ITGAV: variants seen among roughly 807,000 people sequenced by gnomAD.
The protein encoded by ITGAV is integrin alpha-V.
Under a neutral mutation model 143.8 loss-of-function variants are expected in ITGAV, and 76 were observed. That is an observed-to-expected ratio of 0.53 (90% CI 0.44 to 0.64). The LOEUF (loss-of-function observed/expected upper bound fraction) is 0.64. Ranked by LOEUF, ITGAV falls within the 30% of genes least tolerant of loss-of-function variation. ITGAV has a pLI of 0.00. For missense variants in ITGAV, 1,193 were observed against 1,274.7 expected, an observed-to-expected ratio of 0.94 and a Z score of 0.98; for synonymous variants, 453 against 446.7, an observed-to-expected ratio of 1.01 and a Z score of -0.18.
At chr2:186,666,862 A>T in intron 22 of ITGAV, 79 bp downstream of exon 22, 20 of 672,492 alleles carry the variant, frequency 3.0e-5, no homozygotes, top group Non-Finnish European at 4.7e-5. Context: ...ATATACTTTA[A>T]ATATAAAGTA....
chr2:186,654,691 T>A lies in ITGAV; in HGVS notation c.1547T>A (p.Val516Glu). The change falls in exon 16 of 30, where the codon GTA becomes GAA. Residue 516 changes from valine (V) to glutamate (E), a missense_variant. Transcript: ENST00000261023. Reference sequence around the variant, plus strand: ...TGCTTAAAGGCAGATGGCAAAGGAGTACTTCCCAGGAAACTTAGTAAGTGT... The same window carrying A: ...TGCTTAAAGGCAGATGGCAAAGGAGAACTTCCCAGGAAACTTAGTAAGTGT... Reference protein sequence around the residue: ...RFCLKADGKGVLPRKLNFQVE... With the variant: ...RFCLKADGKGELPRKLNFQVE... 2 of 1,546,212 alleles carry A rather than the reference T, an allele frequency of 1.3e-6. No individual in the cohort carries two copies. Among genetic ancestry groups the A allele is most frequent in the Non-Finnish European group, 1.8e-6 (2 of 1,122,260 alleles).
At position 186,605,753 on chromosome 2, in the gene ITGAV, T is replaced by TATTTATATGTATAATAC. The variant is rs1316578091; in HGVS notation, c.316+3604_316+3605insTTATATGTATAATACAT. On this transcript the variant is annotated intron_variant, in intron 2 of 29. Coordinates refer to ENST00000261023, the MANE Select transcript of ITGAV (RefSeq NM_002210.5). Reference sequence around the variant, plus strand: ...GGTTGTAGATGTGTATATATATATATATATATTTATATGTATAATACATAT... The same window carrying TATTTATATGTATAATAC: ...GGTTGTAGATGTGTATATATATATATATTTATATGTATAATACATATATTTATATGTATAATACATAT... Among the ~76,000 whole-genome samples the TATTTATATGTATAATAC allele has an allele frequency of 2.5e-4, 37 of 145,962 alleles. 15 individuals carry two copies. Among genetic ancestry groups the TATTTATATGTATAATAC allele is most frequent in the South Asian group, 8.5e-4 (4 of 4,692 alleles).
At chr2:186,650,794 C>G (rs1688404258) in intron 14 of ITGAV, among the ~76,000 whole-genome samples, 1 of 152,144 alleles carries the variant, frequency 6.6e-6, no homozygotes, top group African/African-American at 2.4e-5. Flanking sequence ...AAGTGATCCA[C>G]CAGCCTCAGC....
At chr2:186,666,130 A>G (rs1168912987) in intron 21 of ITGAV, among the ~76,000 whole-genome samples, 3 of 152,124 alleles carry the variant, frequency 2.0e-5, no homozygotes, top group African/African-American at 7.2e-5. Flanking sequence ...TTTATATGTC[A>G]TTTGTGTGAT....
intron 1 of ITGAV, among the ~76,000 whole-genome samples, chr2:186,600,961 A>G (rs1419070255): frequency 6.8e-6 from 1 of 146,098 alleles, no homozygotes; most frequent in Non-Finnish European, 1.5e-5. Context: ...CTCTGTCTCA[A>G]AAAAAAAAAA....
At chr2:186,621,165 A>G (rs959552453) in intron 2 of ITGAV, among the ~76,000 whole-genome samples, 4 of 152,200 alleles carry the variant, frequency 2.6e-5, no homozygotes, top group African/African-American at 9.6e-5. Context: ...GGTCTTGTAC[A>G]TATATTTTGT....
At position 186,648,616 on chromosome 2, in the gene ITGAV, C is replaced by T. The variant is rs1688327630; in HGVS notation, c.1352-1224C>T. The stretch of plus-strand genomic sequence containing the variant: ...AGTAGCTGGGATTACAGGCAGGCAC[C>T]ACCACGCACAGCTAATTTTTGTATT... On this transcript the variant is annotated intron_variant, in intron 13 of 29. Coordinates refer to ENST00000261023, the MANE Select transcript of ITGAV (RefSeq NM_002210.5). Among the ~76,000 whole-genome samples, 4 of 152,172 alleles carry T rather than the reference C, an allele frequency of 2.6e-5. No individual in the cohort carries two copies. The South Asian group carries it at 8.3e-4, about 32-fold the overall frequency.
At chr2:186,632,013 C>A (rs1687825780) in intron 5 of ITGAV, among the ~76,000 whole-genome samples, 2 of 152,148 alleles carry the variant, frequency 1.3e-5, no homozygotes, top group Admixed American at 1.3e-4. Flanking sequence ...GGCAACAGAG[C>A]AAGACCCAGT....
intron 28 of ITGAV, among the ~76,000 whole-genome samples, 159 bp from the exon 29 acceptor site, chr2:186,676,654 G>A (rs1689217959): frequency 6.6e-6 from 1 of 152,152 alleles, no homozygotes; most frequent in Non-Finnish European, 1.5e-5. Context: ...ATGTGTGTAT[G>A]TGCATGCTCT....
chr2:186,625,990 A>G (rs1416103300), intron 4 of ITGAV, among the ~76,000 whole-genome samples: 3 of 152,158 alleles, frequency 2.0e-5, no homozygotes, highest in Non-Finnish European at 4.4e-5. Flanking sequence ...CAGACTCTAC[A>G]AGGCAATTCT....
chr2:186,610,169 ATAT>A (rs1188391648), intron 2 of ITGAV, among the ~76,000 whole-genome samples: 1 of 152,162 alleles, frequency 6.6e-6, no homozygotes, highest in Non-Finnish European at 1.5e-5. Flanking sequence ...TATATTCAAA[ATAT>A]TATAGACACG....
At position 186,680,102 on chromosome 2, in the gene ITGAV, A is replaced by G. The variant is rs1408288843; in HGVS notation, c.*2810A>G. ...AAGTTGGCAGATCTTCCTAAGTTGCAAAATGTAATGATGAGCTTGGTGGAG... is the reference window on the plus strand; with the variant it reads ...AAGTTGGCAGATCTTCCTAAGTTGCGAAATGTAATGATGAGCTTGGTGGAG... On this transcript the variant is annotated 3_prime_UTR_variant, in exon 30 of 30. Coordinates refer to ENST00000261023, the MANE Select transcript of ITGAV (RefSeq NM_002210.5). 1.3e-5 allele frequency: 2 copies of G among 152,134 alleles called. No homozygotes were observed. Among genetic ancestry groups the G allele is most frequent in the Non-Finnish European group, 2.9e-5 (2 of 67,962 alleles). 9.4% of individuals were successfully genotyped at this position (152,134 alleles called of 1,614,324 possible). A position where few individuals can be genotyped will look rare whatever the true frequency, so the allele number is the denominator to read the frequency against.
At chr2:186,650,799 C>A (rs1688404415) in intron 14 of ITGAV, among the ~76,000 whole-genome samples, 1 of 152,150 alleles carries the variant, frequency 6.6e-6, no homozygotes, top group South Asian at 2.1e-4. Flanking sequence ...ATCCACCAGC[C>A]TCAGCCTCCC....
intron 19 of ITGAV, among the ~76,000 whole-genome samples, chr2:186,664,132 C>T (rs1688822550): frequency 6.6e-6 from 1 of 152,062 alleles, no homozygotes; most frequent in Non-Finnish European, 1.5e-5. Flanking sequence ...CAAGGAATAT[C>T]CTTACCATTT....
Position 186,641,584 on chromosome 2 carries a change from C to A in ITGAV, c.1155C>A (p.Phe385Leu). ...APLGDLDQDGFNDIAIAAPYG... is the reference protein window; with the variant it reads ...APLGDLDQDGLNDIAIAAPYG... Reference sequence around the variant, plus strand: ...TGGGAGATCTGGACCAGGATGGTTTCAATGGTAAGATCAAAGTTTAGCAGC... The same window carrying A: ...TGGGAGATCTGGACCAGGATGGTTTAAATGGTAAGATCAAAGTTTAGCAGC... Residue 385 changes from phenylalanine to leucine, a missense_variant, in exon 12 of 30, where the codon TTC (phenylalanine) becomes TTA (leucine). Transcript: ENST00000261023. The A allele has an allele frequency of 6.2e-7, 1 of 1,613,572 alleles. No homozygotes were observed. The highest frequency in any genetic ancestry group is 8.5e-7 in the Non-Finnish European group (1 of 1,179,690).
intron 10 of ITGAV, among the ~76,000 whole-genome samples, 154 bp downstream of exon 10, chr2:186,638,619 T>C (rs1370823594): frequency 7.1e-6 from 1 of 140,330 alleles, no homozygotes. Flanking sequence ...CTATTATCAT[T>C]TCTCTTTTGA....
chr2:186,628,642 A>G (rs1687740227), intron 4 of ITGAV, among the ~76,000 whole-genome samples: 1 of 152,108 alleles, frequency 6.6e-6, no homozygotes, highest in African/African-American at 2.4e-5. Flanking sequence ...CAAATCAACA[A>G]TATACTTATC....
At chr2:186,597,705 A>T (rs979939258) in intron 1 of ITGAV, among the ~76,000 whole-genome samples, 1 of 152,224 alleles carries the variant, frequency 6.6e-6, no homozygotes, top group Non-Finnish European at 1.5e-5. Flanking sequence ...AGTGAGCAGC[A>T]GGAGAGTGAG....
Position 186,633,394 on chromosome 2 carries a change from A to G in ITGAV, c.631+20A>G, listed in dbSNP as rs1415764993. The G allele has an allele frequency of 2.0e-6, 3 of 1,488,150 alleles. No homozygotes were observed. The highest frequency in any genetic ancestry group is 1.7e-4 in the Middle Eastern group (1 of 5,720). The allele number at this position is 1,488,150 out of a possible 1,614,324, so 92.2% of individuals were successfully genotyped here. A position where few individuals can be genotyped will look rare whatever the true frequency, so the allele number is the denominator to read the frequency against. ...GGCAAGGTAGGTTAATATTTTTTAA[A>G]TTACAATTGGTGACTATGTGTCGCT... On this transcript the variant is annotated intron_variant, in intron 6 of 29. Transcript: ENST00000261023.
Sources: gnomAD v4.1 joint callset for allele counts (sites outside exome capture counted in the v4.1 genomes callset) on GRCh38, gnomAD v4.1.1 for gene constraint, MANE v1.5 for transcripts, NCBI Gene and HGNC (gene_info 2026-07-23, HGNC 2026-07-21) for gene names.